The following CYTH3 variants were observed in gnomAD, a reference collection of about 807,000 sequenced individuals.
CYTH3 encodes the protein cytohesin 3.
A neutral mutation model predicts 55.1 loss-of-function variants in CYTH3; 23 were observed. The observed-to-expected ratio is 0.42, with a 90% CI of 0.30 to 0.59. The LOEUF (loss-of-function observed/expected upper bound fraction) is 0.59. CYTH3 is among the 20% of genes least tolerant of loss of function. The pLI is 0.20. For missense variants in CYTH3, 413 were observed against 524.8 expected (o/e 0.79, Z 2.08); for synonymous variants, 249 against 194.9 (o/e 1.28, Z -2.31).
Position 6,165,908 on chromosome 7 carries a change from G to T in CYTH3, c.824-98C>A. On this transcript the variant is annotated intron_variant, in intron 9 of 12. Coordinates refer to ENST00000350796, the MANE Select transcript of CYTH3 (RefSeq NM_004227.4). Reference sequence around the variant, plus strand: ...ACCTGCACAGACCACTGCGTTTTCAGAAAGGCCACCAGGCGCCAGGCTTGG... The same window carrying T: ...ACCTGCACAGACCACTGCGTTTTCATAAAGGCCACCAGGCGCCAGGCTTGG... 2.4e-6 allele frequency: 3 copies of T among 1,228,958 alleles called. No homozygotes were observed. The South Asian group carries it at 3.8e-5, about 16-fold the overall frequency. The allele number at this position is 1,228,958 out of a possible 1,614,324, so 76.1% of individuals were successfully genotyped here.
At chr7:6,190,367 T>TTTTTTTTTTTG in intron 2 of CYTH3, 82 bp downstream of exon 2, 1 of 1,021,182 alleles carries the variant, frequency 9.8e-7, no homozygotes, top group Non-Finnish European at 1.3e-6. Flanking sequence ...TTTTTACATT[T>TTTTTTTTTTTG]TTGTGAGGCT....
chr7:6,216,916 CTT>C (rs1199082573), intron 1 of CYTH3, among the ~76,000 whole-genome samples: 2 of 140,712 alleles, frequency 1.4e-5, no homozygotes, highest in Non-Finnish European at 1.6e-5. Context: ...TCGATAATGA[CTT>C]TTTTTTTTTG....
At chr7:6,224,959 T>C (rs1269534895) in intron 1 of CYTH3, among the ~76,000 whole-genome samples, 2 of 152,218 alleles carry the variant, frequency 1.3e-5, no homozygotes, top group Non-Finnish European at 2.9e-5. Flanking sequence ...GACCACATAC[T>C]GCTTGATTCT....
chr7:6,194,267 T>C (rs962751703), intron 1 of CYTH3, among the ~76,000 whole-genome samples: 1 of 152,174 alleles, frequency 6.6e-6, no homozygotes, highest in African/African-American at 2.4e-5. Flanking sequence ...GACTCTTTAA[T>C]ACGTGTACAA....
intron 5 of CYTH3, among the ~76,000 whole-genome samples, chr7:6,174,958 A>G (rs572982151): frequency 6.6e-6 from 1 of 152,234 alleles, no homozygotes; most frequent in African/African-American, 2.4e-5. Context: ...TTTATAACTG[A>G]GTAATTTTTG....
In CYTH3 at chr7:6,230,322, A is replaced by T. The variant is rs565657267; in HGVS notation, c.35-39791T>A. ...CCTCAGCTGGAAACTTACAAGGAGT[A>T]TATCTCCATAAAGCAGAGTCTCAGG... On this transcript the variant is annotated intron_variant, in intron 1 of 12. Coordinates refer to ENST00000350796, the MANE Select transcript of CYTH3 (RefSeq NM_004227.4). 2.6e-5 allele frequency among the ~76,000 whole-genome samples: 4 copies of T among 152,312 alleles called. No homozygotes were observed. In the South Asian group the frequency reaches 8.3e-4, roughly 32 times the overall value.
In CYTH3 at chr7:6,220,143, C is replaced by T. The variant is rs981555645; in HGVS notation, c.35-29612G>A. 5.9e-5 allele frequency among the ~76,000 whole-genome samples: 9 copies of T among 151,984 alleles called. No homozygotes were observed. In the South Asian group the frequency reaches 6.2e-4, roughly 11 times the overall value. ...AACTCCTGACCTCAAGTGATCTGCC[C>T]GCCTCGGCCTCCCAAAGTGCTGGGA... On this transcript the variant is annotated intron_variant, in intron 1 of 12. Transcript: ENST00000350796.
At position 6,259,771 on chromosome 7, in the gene CYTH3, ATT is replaced by A. The variant is rs1491448402; in HGVS notation, c.34+12701_34+12702del. On this transcript the variant is annotated intron_variant, in intron 1 of 12. Transcript: ENST00000350796. The stretch of plus-strand genomic sequence containing the variant: ...ATATATATATATTATATATATATAT[ATT>A]ATATATATATAATATATATATATAT... 2.3e-3 allele frequency among the ~76,000 whole-genome samples: 52 copies of A among 22,314 alleles called. 2 individuals are homozygous for A. The highest frequency in any genetic ancestry group is 0.018 in the African/African-American group (42 of 2,294). 14.6% of individuals were successfully genotyped at this position (22,314 alleles called of 152,430 possible). A position where few individuals can be genotyped will look rare whatever the true frequency, so the allele number is the denominator to read the frequency against.
chr7:6,165,510 C>G (rs1250086280), intron 11 of CYTH3, 35 bp downstream of exon 11: 3 of 1,610,592 alleles, frequency 1.9e-6, no homozygotes, highest in African/African-American at 1.3e-5. Context: ...TCCCAGGTGG[C>G]TGGCAGGAGA....
intron 1 of CYTH3, among the ~76,000 whole-genome samples, chr7:6,233,866 C>T (rs1377062340): frequency 6.6e-6 from 1 of 151,960 alleles, no homozygotes; most frequent in African/African-American, 2.4e-5. Context: ...ATCCAGGTGC[C>T]GGCGGATTCA....
At chr7:6,185,302 T>G (rs901870956) in intron 4 of CYTH3, among the ~76,000 whole-genome samples, 2 of 152,106 alleles carry the variant, frequency 1.3e-5, no homozygotes, top group African/African-American at 4.8e-5. Flanking sequence ...AATCCAGACA[T>G]GGCCTGGCGC....
chr7:6,179,782 ACCT>A (rs201564118), intron 4 of CYTH3, among the ~76,000 whole-genome samples: 837 of 79,728 alleles, frequency 0.01, 12 homozygotes, highest in African/African-American at 0.054. Flanking sequence ...CACACACACC[ACCT>A]ACCACACACA....
intron 1 of CYTH3, among the ~76,000 whole-genome samples, chr7:6,231,267 GAGAGAAA>G (rs1185294023): frequency 6.6e-6 from 1 of 152,196 alleles, no homozygotes; most frequent in Non-Finnish European, 1.5e-5. Flanking sequence ...TAAACTCTAC[GAGAGAAA>G]AGAGAAAAGG....
chr7:6,198,038 G>A (rs1028119246), intron 1 of CYTH3, among the ~76,000 whole-genome samples: 4 of 148,808 alleles, frequency 2.7e-5, no homozygotes, highest in Non-Finnish European at 5.9e-5. Context: ...AGGATGCAGC[G>A]AGCTATGACT....
chr7:6,241,126 A>C (rs112937850), intron 1 of CYTH3, among the ~76,000 whole-genome samples: 210 of 152,314 alleles, frequency 1.4e-3, no homozygotes, highest in African/African-American at 4.7e-3. Flanking sequence ...ATCTCAAAAA[A>C]AAAAAGAAAT....
At chr7:6,228,688 T>C (rs1779310446) in intron 1 of CYTH3, among the ~76,000 whole-genome samples, 1 of 152,038 alleles carries the variant, frequency 6.6e-6, no homozygotes, top group African/African-American at 2.4e-5. Flanking sequence ...CTGAGCAGGG[T>C]CCTCCCACAC....
At chr7:6,194,675 T>G (rs113307265) in intron 1 of CYTH3, among the ~76,000 whole-genome samples, 3,707 of 151,634 alleles carry the variant, frequency 0.024, 61 homozygotes, top group Middle Eastern at 0.071. Flanking sequence ...AAGCCCATTG[T>G]GTAGATTAAA....
At chr7:6,198,812 G>C (rs542663744) in intron 1 of CYTH3, among the ~76,000 whole-genome samples, 93 of 151,832 alleles carry the variant, frequency 6.1e-4, no homozygotes, top group African/African-American at 2.1e-3. Context: ...GGAAATCACT[G>C]GTCTGGCATG....
At chr7:6,193,065 G>A (rs1026570738) in intron 1 of CYTH3, among the ~76,000 whole-genome samples, 6 of 151,116 alleles carry the variant, frequency 4.0e-5, no homozygotes, top group African/African-American at 1.5e-4. Flanking sequence ...CCAGTTACTG[G>A]GGAGGCTGAG....
Sources: gnomAD v4.1 joint callset for allele counts (sites outside exome capture counted in the v4.1 genomes callset) on GRCh38, gnomAD v4.1.1 for gene constraint, MANE v1.5 for transcripts, NCBI Gene and HGNC (gene_info 2026-07-23, HGNC 2026-07-21) for gene names.